The following DNAH5 variants were observed in gnomAD, a reference collection of about 807,000 sequenced individuals.
DNAH5 encodes the protein dynein axonemal heavy chain 5, also known as axonemal beta dynein heavy chain 5.
A neutral mutation model predicts 518.2 loss-of-function variants in DNAH5; 372 were observed. The observed-to-expected ratio is 0.72, with a 90% confidence interval of 0.66 to 0.78. The LOEUF (loss-of-function observed/expected upper bound fraction) is 0.78. Ranked by LOEUF, DNAH5 falls within the 30% of genes least tolerant of loss-of-function variation. The pLI is 0.00. For synonymous variants in DNAH5, 2,039 were observed against 2,025.9 expected (o/e 1.01, Z -0.17); for missense variants, 5,523 against 5,687.0 (o/e 0.97, Z 0.93).
At chr5:13,773,156 G>A (rs1462000454) in intron 55 of DNAH5, among the ~76,000 whole-genome samples, 1 of 152,130 alleles carries the variant, frequency 6.6e-6, no homozygotes, top group Non-Finnish European at 1.5e-5. Context: ...AAACATTTAT[G>A]TAGTATGCAG....
At chr5:13,704,883 A>G (rs1742576378) in intron 76 of DNAH5, among the ~76,000 whole-genome samples, 1 of 152,162 alleles carries the variant, frequency 6.6e-6, no homozygotes, top group Non-Finnish European at 1.5e-5. Context: ...GTGAGGAGGG[A>G]GGGAATAGGA....
chr5:13,803,339 C>T (rs1204438940), intron 47 of DNAH5, among the ~76,000 whole-genome samples: 2 of 152,078 alleles, frequency 1.3e-5, no homozygotes, highest in African/African-American at 4.8e-5. Flanking sequence ...CTCAATAGTA[C>T]ATTGTAAAAA....
chr5:13,731,040 T>A (rs1039934419), intron 68 of DNAH5, among the ~76,000 whole-genome samples: 1 of 152,186 alleles, frequency 6.6e-6, no homozygotes, highest in African/African-American at 2.4e-5. Context: ...TCAATCCATT[T>A]GGCCACTTTA....
chr5:13,854,629 C>T (rs952325911), intron 30 of DNAH5, among the ~76,000 whole-genome samples: 14 of 151,986 alleles, frequency 9.2e-5, no homozygotes, highest in African/African-American at 1.2e-4. Flanking sequence ...ACCCATCTCA[C>T]GTGCAAAGAC....
At chr5:13,883,727 G>T (rs1771984708) in intron 19 of DNAH5, among the ~76,000 whole-genome samples, 1 of 152,120 alleles carries the variant, frequency 6.6e-6, no homozygotes, top group Non-Finnish European at 1.5e-5. Flanking sequence ...TAGAAAAGCT[G>T]GGAAATAATT....
chr5:13,699,847 G>C (rs1741856139), intron 78 of DNAH5, among the ~76,000 whole-genome samples: 1 of 152,178 alleles, frequency 6.6e-6, no homozygotes, highest in Non-Finnish European at 1.5e-5. Flanking sequence ...TATGGTTTAT[G>C]CTTCTAAGAC....
At chr5:14,010,053 T>C (rs541916256) in intron 1 of DNAH5, among the ~76,000 whole-genome samples, 3 of 152,342 alleles carry the variant, frequency 2.0e-5, no homozygotes, top group South Asian at 2.1e-4. Flanking sequence ...GTCCTTTTAT[T>C]CTGCTTTCTA....
At chr5:13,810,712 C>T (rs1760547474) in intron 44 of DNAH5, among the ~76,000 whole-genome samples, 2 of 151,506 alleles carry the variant, frequency 1.3e-5, no homozygotes. Flanking sequence ...CAAGATGGCG[C>T]TACTGCACTC....
chr5:13,856,848 G>A (rs1580611445), intron 30 of DNAH5, among the ~76,000 whole-genome samples: 3 of 152,108 alleles, frequency 2.0e-5, no homozygotes, highest in Admixed American at 6.5e-5. Context: ...ACTAAGTATT[G>A]ATGAAACACA....
At position 13,874,708 on chromosome 5, in the gene DNAH5, T is replaced by G. The variant is rs140347490; in HGVS notation, c.3396+1976A>C. On this transcript the variant is annotated intron_variant, in intron 22 of 78. Coordinates refer to ENST00000265104, the MANE Select transcript of DNAH5 (RefSeq NM_001369.3). ...AATTTTTGTGTTTTTAGTGGAAACATAGTTTTACCATATTGGCTAGGCTGG... is the reference window on the plus strand; with the variant it reads ...AATTTTTGTGTTTTTAGTGGAAACAGAGTTTTACCATATTGGCTAGGCTGG... 3.4e-3 allele frequency among the ~76,000 whole-genome samples: 520 copies of G among 152,192 alleles called. 4 individuals are homozygous for G. The highest frequency in any genetic ancestry group is 0.012 in the African/African-American group (499 of 41,520).
At position 13,839,431 on chromosome 5, in the gene DNAH5, G is replaced by A. The variant is rs779609286; in HGVS notation, c.5807C>T (p.Thr1936Ile). 6 of 1,612,552 alleles carry A rather than the reference G, an allele frequency of 3.7e-6. No homozygotes were observed. The highest frequency in any genetic ancestry group is 4.2e-6 in the Non-Finnish European group (5 of 1,178,642). Residue 1936 changes from threonine to isoleucine, a missense_variant, in exon 35 of 79, where the codon ACA becomes ATA. Physicochemically the swap from Thr to Ile is moderately conservative, Grantham distance 89. Coordinates refer to ENST00000265104, the MANE Select transcript of DNAH5 (RefSeq NM_001369.3). Reference sequence around the variant, plus strand: ...ATTCTGGTATATGAACGCCACATCTGTGATGTGAATCATCATCTTGTCAGA... The same window carrying A: ...ATTCTGGTATATGAACGCCACATCTATGATGTGAATCATCATCTTGTCAGA... Reference protein sequence around the residue: ...EDSDKMMIHITDVAFIYQNEF... With the variant: ...EDSDKMMIHIIDVAFIYQNEF...
At position 13,862,562 on chromosome 5, in the gene DNAH5, G is replaced by T; in HGVS notation, c.4782C>A (p.Ser1594=). ...GGTTTTCCCACCTGTTGCTCAGTAG[G>T]GATCCCAGCAACATCAAGCTGTCCT... The part of the protein sequence containing the change: ...NMEDSLMLLG[S]LLSNRYNMPF... Residue 1594 remains serine (S), a synonymous_variant, in exon 29 of 79, where the codon TCC becomes TCA. Coordinates refer to ENST00000265104, the MANE Select transcript of DNAH5 (RefSeq NM_001369.3). The T allele has an allele frequency of 6.2e-7, 1 of 1,613,864 alleles. No individual in the cohort carries two copies. Among genetic ancestry groups the T allele is most frequent in the South Asian group, 1.1e-5 (1 of 91,058 alleles).
chr5:13,813,841 A>G (rs1379085145), intron 43 of DNAH5, among the ~76,000 whole-genome samples: 1 of 152,224 alleles, frequency 6.6e-6, no homozygotes, highest in Non-Finnish European at 1.5e-5. Context: ...TATAATGTAA[A>G]TAAACATCTA....
chr5:13,933,771 C>G (rs1778643788), intron 1 of DNAH5, among the ~76,000 whole-genome samples: 1 of 119,172 alleles, frequency 8.4e-6, no homozygotes, highest in Admixed American at 1.1e-4. Flanking sequence ...GCCTGGATGA[C>G]AGAGTGAGAC....
chr5:13,809,139 A>T lies in DNAH5; in HGVS notation c.7657T>A (p.Ser2553Thr). 6.2e-7 allele frequency: 1 copy of T among 1,614,170 alleles called. No individual in the cohort carries two copies. Among genetic ancestry groups the T allele is most frequent in the East Asian group, 2.2e-5 (1 of 44,882 alleles). The change falls in exon 46 of 79, where the codon TCT becomes ACT. Residue 2553 changes from serine to threonine, a missense_variant. Coordinates refer to ENST00000265104, the MANE Select transcript of DNAH5 (RefSeq NM_001369.3). ...NTRTQEYLYP[S>T]DTTPEYGSIL... ...GAACCATACTCTGGGGTGGTATCAGACGGATACAGGTATTCCTGGGTACGC... is the reference window on the plus strand; with the variant it reads ...GAACCATACTCTGGGGTGGTATCAGTCGGATACAGGTATTCCTGGGTACGC...
intron 56 of DNAH5, among the ~76,000 whole-genome samples, chr5:13,770,017 G>A (rs1324273719): frequency 6.6e-6 from 1 of 152,196 alleles, no homozygotes; most frequent in Non-Finnish European, 1.5e-5. Context: ...AAAGAAGAAT[G>A]ATGTGGGCTT....
intron 52 of DNAH5, among the ~76,000 whole-genome samples, chr5:13,784,405 G>A (rs894945796): frequency 6.6e-6 from 1 of 152,064 alleles, no homozygotes; most frequent in Non-Finnish European, 1.5e-5. Flanking sequence ...CTCATAATTC[G>A]GTACAGATGC....
rs7718686 is a variant in DNAH5 at position 13,900,646 on chromosome 5, A to G, written c.2053-234T>C. On this transcript the variant is annotated intron_variant, in intron 14 of 78. Coordinates refer to ENST00000265104, the MANE Select transcript of DNAH5 (RefSeq NM_001369.3). ...TTCAATAAAACCTTTCAATGACTCT[A>G]ACACTGATAAATAAGTGGACACTGC... The G allele has an allele frequency of 0.01, 5,741 of 552,828 alleles. 233 individuals are homozygous for G. Among genetic ancestry groups the G allele is most frequent in the African/African-American group, 0.092 (4,889 of 53,094 alleles). The allele number at this position is 552,828 out of a possible 1,614,324, so 34.2% of individuals were successfully genotyped here.
Position 13,702,256 on chromosome 5 carries a change from T to C in DNAH5, c.13339-820A>G, listed in dbSNP as rs560793978. 2.6e-4 allele frequency among the ~76,000 whole-genome samples: 39 copies of C among 152,356 alleles called. No individual in the cohort carries two copies. The East Asian group carries it at 7.5e-3, about 29-fold the overall frequency. Reference sequence around the variant, plus strand: ...GAATAAATGTAGTAATCAACCTGGGTATAACACTTGAATTTCAAATACCTT... The same window carrying C: ...GAATAAATGTAGTAATCAACCTGGGCATAACACTTGAATTTCAAATACCTT... On this transcript the variant is annotated intron_variant, in intron 76 of 78. Coordinates refer to ENST00000265104, the MANE Select transcript of DNAH5 (RefSeq NM_001369.3).
Sources: gnomAD v4.1 joint callset for allele counts (sites outside exome capture counted in the v4.1 genomes callset) on GRCh38, gnomAD v4.1.1 for gene constraint, MANE v1.5 for transcripts, NCBI Gene and HGNC (gene_info 2026-07-23, HGNC 2026-07-21) for gene names.